The following GRIK2 variants were observed in gnomAD, a reference collection of about 807,000 sequenced individuals.
GRIK2 encodes glutamate receptor ionotropic, kainate 2.
Under a neutral mutation model 100.3 loss-of-function variants are expected in GRIK2, and 32 were observed. The observed-to-expected ratio is 0.32, with a 90% CI of 0.24 to 0.43. GRIK2 has a LOEUF of 0.43. GRIK2 is among the 20% of genes least tolerant of loss of function. The pLI, the probability that GRIK2 is intolerant of heterozygous loss-of-function variation, is 1.00. For missense variants in GRIK2, 843 were observed against 1,114.9 expected, an observed-to-expected ratio of 0.76 and a Z score of 3.47; for synonymous variants, 417 against 389.4, an observed-to-expected ratio of 1.07 and a Z score of -0.83.
intron 2 of GRIK2, among the ~76,000 whole-genome samples, chr6:101,589,274 G>T (rs562228826): frequency 6.6e-6 from 1 of 152,102 alleles, no homozygotes; most frequent in Non-Finnish European, 1.5e-5. Context: ...AGCTAATTAT[G>T]CATTAACTCA....
At chr6:101,397,681 G>C (rs1409274775) in intron 1 of GRIK2, among the ~76,000 whole-genome samples, 1 of 92,024 alleles carries the variant, frequency 1.1e-5, no homozygotes, top group South Asian at 3.7e-4. Flanking sequence ...CTTGCTGTTT[G>C]GAGGAAAAAA....
chr6:102,050,027 C>A (rs964499906), intron 15 of GRIK2, among the ~76,000 whole-genome samples: 1 of 151,944 alleles, frequency 6.6e-6, no homozygotes, highest in Non-Finnish European at 1.5e-5. Context: ...AAAAGAAATG[C>A]TGACTGCATT....
At chr6:101,577,462 T>C (rs1315580747) in intron 2 of GRIK2, among the ~76,000 whole-genome samples, 1 of 152,080 alleles carries the variant, frequency 6.6e-6, no homozygotes, top group Non-Finnish European at 1.5e-5. Context: ...GAAACCATAT[T>C]TTTTCTTCTA....
At chr6:101,503,177 T>C (rs1245339060) in intron 2 of GRIK2, among the ~76,000 whole-genome samples, 1 of 152,110 alleles carries the variant, frequency 6.6e-6, no homozygotes, top group African/African-American at 2.4e-5. Flanking sequence ...CTTAAGTGTT[T>C]TTTTTGTTTT....
chr6:101,409,469 T>C (rs1407246389), intron 2 of GRIK2, among the ~76,000 whole-genome samples: 1 of 152,120 alleles, frequency 6.6e-6, no homozygotes, highest in Non-Finnish European at 1.5e-5. Flanking sequence ...ATCAATTATT[T>C]AAAATCAGAA....
At chr6:101,923,947 A>AAC (rs1554287229) in intron 12 of GRIK2, among the ~76,000 whole-genome samples, 5 of 146,882 alleles carry the variant, frequency 3.4e-5, no homozygotes, top group Admixed American at 7.1e-5. Context: ...AAAAAAAAAA[A>AAC]CCACAACGCT....
chr6:102,057,857 T>C (rs1161157145), intron 16 of GRIK2, among the ~76,000 whole-genome samples: 1 of 151,830 alleles, frequency 6.6e-6, no homozygotes, highest in Non-Finnish European at 1.5e-5. Context: ...CCTTGCAAAC[T>C]CTCACAAACA....
chr6:101,698,277 G>A (rs761348746), intron 7 of GRIK2, among the ~76,000 whole-genome samples: 3 of 152,088 alleles, frequency 2.0e-5, no homozygotes, highest in African/African-American at 4.8e-5. Flanking sequence ...AAATGGTCAA[G>A]AATCTACTCT....
At chr6:101,636,854 C>G (rs374549110) in intron 4 of GRIK2, among the ~76,000 whole-genome samples, 1 of 152,124 alleles carries the variant, frequency 6.6e-6, no homozygotes, top group Non-Finnish European at 1.5e-5. Context: ...TTGGCATGCA[C>G]ATTTTTGGTA....
At chr6:101,974,658 G>T (rs1365356702) in intron 14 of GRIK2, among the ~76,000 whole-genome samples, 3 of 151,876 alleles carry the variant, frequency 2.0e-5, no homozygotes, top group Admixed American at 6.6e-5. Context: ...TCAACTGATT[G>T]GTCGAAGCTC....
chr6:101,744,054 T>C (rs1357774017), intron 7 of GRIK2, among the ~76,000 whole-genome samples: 2 of 152,098 alleles, frequency 1.3e-5, no homozygotes, highest in African/African-American at 2.4e-5. Flanking sequence ...ACCATTCTCC[T>C]GCTTCAGCCT....
chr6:101,568,294 A>G (rs1220128003), intron 2 of GRIK2, among the ~76,000 whole-genome samples: 1 of 151,982 alleles, frequency 6.6e-6, no homozygotes, highest in Non-Finnish European at 1.5e-5. Flanking sequence ...AAGGTAACCT[A>G]AATCCTTTGT....
At chr6:101,723,935 G>A (rs186542922) in intron 7 of GRIK2, among the ~76,000 whole-genome samples, 72 of 151,798 alleles carry the variant, frequency 4.7e-4, no homozygotes, top group Non-Finnish European at 8.2e-4. Flanking sequence ...ATTTTAGATT[G>A]TGTAGTGTTA....
chr6:101,640,617 T>C (rs577776028), intron 4 of GRIK2, among the ~76,000 whole-genome samples: 151 of 152,272 alleles, frequency 9.9e-4, no homozygotes, highest in African/African-American at 3.4e-3. Flanking sequence ...TTTACTATAG[T>C]ATAACCCAGT....
chr6:101,731,131 AGTATTAC>A (rs1775239157), intron 7 of GRIK2, among the ~76,000 whole-genome samples: 4 of 152,066 alleles, frequency 2.6e-5, no homozygotes, highest in Admixed American at 6.6e-5. Flanking sequence ...CAGTGAAGAA[AGTATTAC>A]TCATCTTTAG....
At chr6:101,810,273 C>A (rs1042698631) in intron 9 of GRIK2, among the ~76,000 whole-genome samples, 2 of 151,884 alleles carry the variant, frequency 1.3e-5, no homozygotes, top group African/African-American at 4.8e-5. Context: ...AAAATCACAA[C>A]CTGTCTGTTA....
intron 7 of GRIK2, among the ~76,000 whole-genome samples, chr6:101,792,191 C>G (rs953436500): frequency 2.2e-4 from 34 of 151,356 alleles, no homozygotes; most frequent in African/African-American, 8.1e-4. Context: ...TTAATTGGAG[C>G]ATTTAGCCCA....
intron 2 of GRIK2, among the ~76,000 whole-genome samples, chr6:101,621,140 A>G (rs1027945870): frequency 2.0e-5 from 3 of 152,128 alleles, no homozygotes; most frequent in Non-Finnish European, 4.4e-5. Flanking sequence ...AAGATGCTGA[A>G]ATTTGCAAAT....
intron 14 of GRIK2, among the ~76,000 whole-genome samples, chr6:101,997,618 T>G (rs1182873413): frequency 1.3e-5 from 2 of 152,100 alleles, no homozygotes; most frequent in Non-Finnish European, 2.9e-5. Flanking sequence ...CACACAGTGT[T>G]AATTCATTCC....
Sources: gnomAD v4.1 joint callset for allele counts (sites outside exome capture counted in the v4.1 genomes callset) on GRCh38, gnomAD v4.1.1 for gene constraint, MANE v1.5 for transcripts, NCBI Gene and HGNC (gene_info 2026-07-23, HGNC 2026-07-21) for gene names.